GCNT1: variants seen among roughly 807,000 people sequenced by gnomAD.
GCNT1 encodes beta-1,3-galactosyl-O-glycosyl-glycoprotein beta-1,6-N-acetylglucosaminyltransferase.
Under a neutral mutation model 26.2 loss-of-function variants are expected in GCNT1, and 16 were observed. The ratio of observed to expected loss-of-function variants is 0.61; its 90% confidence interval spans 0.41 to 0.93. GCNT1 has a LOEUF of 0.93. Among genes scored for constraint, GCNT1 ranks in the 40% least tolerant of loss-of-function variants. The pLI is 0.00. For synonymous variants in GCNT1, 183 were observed against 190.8 expected (o/e 0.96, Z 0.34); for missense variants, 477 against 526.7 (o/e 0.91, Z 0.92).
At chr9:76,490,508 G>A (rs1824703456) in intron 2 of GCNT1, among the ~76,000 whole-genome samples, 1 of 152,162 alleles carries the variant, frequency 6.6e-6, no homozygotes, top group Non-Finnish European at 1.5e-5. Flanking sequence ...CACTGACAAG[G>A]TCTGATTTCC....
In GCNT1 at chr9:76,468,454, C is replaced by T. The variant is rs114374026; in HGVS notation, c.-290+8277C>T. On this transcript the variant is annotated intron_variant, in intron 2 of 3. Coordinates refer to ENST00000376730, the MANE Select transcript of GCNT1 (RefSeq NM_001490.5). ...GATACTGCATTTCTCTCAGCCCTCT[C>T]CCTTAAGCCAAGAGAGCTGAAGCTG... Among the ~76,000 whole-genome samples, 625 of 152,336 alleles carry T rather than the reference C, an allele frequency of 4.1e-3. 4 individuals are homozygous for T. Among genetic ancestry groups the T allele is most frequent in the African/African-American group, 0.014 (571 of 41,564 alleles).
At chr9:76,478,783 T>C (rs1420588378) in intron 2 of GCNT1, among the ~76,000 whole-genome samples, 1 of 152,240 alleles carries the variant, frequency 6.6e-6, no homozygotes, top group African/African-American at 2.4e-5. Context: ...ATCATGGACA[T>C]TCCTTTGGCT....
intron 1 of GCNT1, among the ~76,000 whole-genome samples, chr9:76,429,783 C>T (rs1439925815): frequency 2.7e-5 from 4 of 148,360 alleles, no homozygotes; most frequent in Admixed American, 1.4e-4. Flanking sequence ...GGCGCAATCT[C>T]GGCTCACTGC....
intron 2 of GCNT1, among the ~76,000 whole-genome samples, chr9:76,474,449 A>T (rs1824211590): frequency 6.6e-6 from 1 of 152,224 alleles, no homozygotes. Flanking sequence ...TTCATAGTTC[A>T]TATTTATAAC....
At chr9:76,420,786 A>G (rs1823179567) in intron 1 of GCNT1, among the ~76,000 whole-genome samples, 1 of 152,052 alleles carries the variant, frequency 6.6e-6, no homozygotes, top group Non-Finnish European at 1.5e-5. Flanking sequence ...ATAATTTTAA[A>G]AAAATAGCCA....
At chr9:76,427,104 T>G (rs1040469139) in intron 1 of GCNT1, among the ~76,000 whole-genome samples, 2 of 151,836 alleles carry the variant, frequency 1.3e-5, no homozygotes, top group East Asian at 3.9e-4. Context: ...AACACAGACA[T>G]GCACAGAGAA....
chr9:76,461,828 A>G (rs1164969511), intron 2 of GCNT1, among the ~76,000 whole-genome samples: 1 of 152,118 alleles, frequency 6.6e-6, no homozygotes, highest in East Asian at 1.9e-4. Flanking sequence ...GGCGGAGGTT[A>G]GGATGAGCAG....
chr9:76,486,443 GA>G (rs1311057419), intron 2 of GCNT1, among the ~76,000 whole-genome samples: 1 of 152,166 alleles, frequency 6.6e-6, no homozygotes, highest in African/African-American at 2.4e-5. Context: ...ATTCCAAGTT[GA>G]AAACAGTTTT....
intron 1 of GCNT1, among the ~76,000 whole-genome samples, chr9:76,446,391 C>A (rs1341295827): frequency 1.3e-5 from 2 of 152,254 alleles, no homozygotes; most frequent in East Asian, 3.9e-4. Flanking sequence ...GCCAAAACTC[C>A]CGCTCCATGC....
the GCNT1 span, among the ~76,000 whole-genome samples, chr9:76,399,858 G>A: frequency 6.6e-6 from 1 of 152,176 alleles, no homozygotes; most frequent in African/African-American, 2.4e-5. Context: ...GGATAAACAA[G>A]CTGTTGTATA....
Position 76,483,270 on chromosome 9 carries a change from G to A in GCNT1, c.-289-17646G>A, listed in dbSNP as rs1419681486. On this transcript the variant is annotated intron_variant, in intron 2 of 3. Transcript: ENST00000376730. ...TGACTACTAGCTAACATTCTCTACT[G>A]CATAGCCCTGAAGTTAACCATTTTC... 2.0e-5 allele frequency among the ~76,000 whole-genome samples: 3 copies of A among 152,204 alleles called. No homozygotes were observed. In the East Asian group the frequency reaches 5.8e-4, roughly 29 times the overall value.
intron 2 of GCNT1, among the ~76,000 whole-genome samples, chr9:76,467,120 G>A (rs1824014526): frequency 6.6e-6 from 1 of 151,732 alleles, no homozygotes; most frequent in Non-Finnish European, 1.5e-5. Flanking sequence ...TCAGCTCACT[G>A]CAACCTACGC....
At chr9:76,500,472 C>G (rs538225469) in intron 2 of GCNT1, among the ~76,000 whole-genome samples, 6 of 152,162 alleles carry the variant, frequency 3.9e-5, no homozygotes, top group Admixed American at 3.9e-4. Flanking sequence ...TGGTCGCTTT[C>G]TGATAGAGGT....
rs760645168 is a variant in GCNT1, at chr9:76,503,499, A to G, written c.1118A>G (p.Asp373Gly). 14 of 1,614,156 alleles carry G rather than the reference A, an allele frequency of 8.7e-6. No individual in the cohort carries two copies. The South Asian group carries it at 1.4e-4, about 16-fold the overall frequency. ...VSKGAPYPPC[D>G]GVHVRSVCIF... Reference sequence around the variant, plus strand: ...AAGGGTGCTCCCTACCCGCCCTGCGATGGAGTCCATGTGCGCTCAGTGTGC... The same window carrying G: ...AAGGGTGCTCCCTACCCGCCCTGCGGTGGAGTCCATGTGCGCTCAGTGTGC... Residue 373 changes from aspartate (D) to glycine (G), a missense_variant, in exon 4 of 4, where the codon GAT becomes GGT. Asp to Gly is a moderately conservative substitution (Grantham distance 94). Coordinates refer to ENST00000376730, the MANE Select transcript of GCNT1 (RefSeq NM_001490.5).
intron 2 of GCNT1, among the ~76,000 whole-genome samples, chr9:76,470,079 TA>T (rs951936102): frequency 6.6e-5 from 10 of 152,176 alleles, no homozygotes; most frequent in Non-Finnish European, 1.2e-4. Context: ...TGCTTGTCAT[TA>T]AAAGCTTTGA....
chr9:76,425,790 C>T (rs200020462), intron 1 of GCNT1, among the ~76,000 whole-genome samples: 10 of 152,142 alleles, frequency 6.6e-5, no homozygotes, highest in East Asian at 3.9e-4. Flanking sequence ...GAGTCAAGAG[C>T]GCTGATTGGT....
chr9:76,394,340 C>T, the GCNT1 span: 1,586 of 565,102 alleles, frequency 2.8e-3, 20 homozygotes, highest in African/African-American at 0.028. Context: ...CACTGCGAAT[C>T]CCTGACGCCG....
upstream of GCNT1, among the ~76,000 whole-genome samples, chr9:76,439,986 A>T (rs150782813): frequency 6.6e-6 from 1 of 152,104 alleles, no homozygotes; most frequent in East Asian, 1.9e-4. Flanking sequence ...CTGTAATCCC[A>T]GTTACTTGGG....
intron 2 of GCNT1, among the ~76,000 whole-genome samples, chr9:76,483,243 T>A (rs7019479): frequency 0.25 from 37,653 of 152,096 alleles, 4,909 homozygotes; most frequent in East Asian, 0.32. Flanking sequence ...AGTAGTTGCA[T>A]GTGACTACTA....
Sources: allele counts gnomAD v4.1 joint callset (sites outside exome capture counted in the v4.1 genomes callset), GRCh38; gene constraint gnomAD v4.1.1; transcripts MANE v1.5; gene names NCBI Gene and HGNC (gene_info 2026-07-23, HGNC 2026-07-21).